ZMAT3: variants seen among roughly 807,000 people sequenced by gnomAD.
ZMAT3 encodes zinc finger matrin-type 3, also known as zinc finger matrin-type protein 3.
A neutral mutation model predicts 32.3 loss-of-function variants in ZMAT3; 17 were observed. That is an observed-to-expected ratio of 0.53 (90% CI 0.36 to 0.79). The LOEUF is 0.79. Ranked by LOEUF, ZMAT3 falls within the 30% of genes least tolerant of loss-of-function variation. The pLI is 0.00. For synonymous variants in ZMAT3, 120 were observed against 133.1 expected (o/e 0.90, Z 0.68); for missense variants, 329 against 359.7 (o/e 0.91, Z 0.69).
intron 2 of ZMAT3, among the ~76,000 whole-genome samples, chr3:179,031,679 G>T (rs907182183): frequency 6.6e-6 from 1 of 152,000 alleles, no homozygotes; most frequent in African/African-American, 2.4e-5. Context: ...GGCCAAGGAG[G>T]GTGGATGACC....
chr3:179,024,858 G>A lies in ZMAT3; in HGVS notation c.*159C>T, dbSNP rs527595322. On this transcript the variant is annotated 3_prime_UTR_variant, in exon 6 of 6. Coordinates refer to ENST00000311417, the MANE Select transcript of ZMAT3 (RefSeq NM_022470.4). ...ACCCACCTCCCCCCGCCCCGCCCCC[G>A]GGCCCCCAGGTTTTGACATCTCATG... 63 of 342,562 alleles carry A rather than the reference G, an allele frequency of 1.8e-4. 1 individual carries two copies. Among genetic ancestry groups the A allele is most frequent in the South Asian group, 5.2e-4 (21 of 40,020 alleles). The allele number at this position is 342,562 out of a possible 1,614,324, so 21.2% of individuals were successfully genotyped here.
At chr3:179,041,773 C>T (rs1719943506) in intron 2 of ZMAT3, among the ~76,000 whole-genome samples, 1 of 151,670 alleles carries the variant, frequency 6.6e-6, no homozygotes, top group Admixed American at 6.6e-5. Context: ...AAAATCCCTT[C>T]AAAAAATCAC....
chr3:179,042,398 T>C (rs1022603646), intron 2 of ZMAT3, among the ~76,000 whole-genome samples: 1 of 152,158 alleles, frequency 6.6e-6, no homozygotes, highest in Non-Finnish European at 1.5e-5. Flanking sequence ...GCTTCATCCC[T>C]GGGATGCAAG....
chr3:179,022,573 A>G lies in ZMAT3; in HGVS notation c.*2444T>C, dbSNP rs1202343646. The G allele has an allele frequency of 6.6e-6, 1 of 151,882 alleles. No homozygotes were observed. The highest frequency in any genetic ancestry group is 1.5e-5 in the Non-Finnish European group (1 of 67,944). The allele number at this position is 151,882 out of a possible 1,614,324, so 9.4% of individuals were successfully genotyped here. A position where few individuals can be genotyped will look rare whatever the true frequency, so the allele number is the denominator to read the frequency against. On this transcript the variant is annotated 3_prime_UTR_variant, in exon 6 of 6. Coordinates refer to ENST00000311417, the MANE Select transcript of ZMAT3 (RefSeq NM_022470.4). ...AGCAAAATGAATAACCTACTGGCCAATAAGAAAAGCCCTAAATTGCTCAAA... is the reference window on the plus strand; with the variant it reads ...AGCAAAATGAATAACCTACTGGCCAGTAAGAAAAGCCCTAAATTGCTCAAA...
Position 179,025,159 on chromosome 3 carries a change from C to T in ZMAT3, c.728G>A (p.Ser243Asn). The T allele has an allele frequency of 6.2e-7, 1 of 1,614,192 alleles. No homozygotes were observed. Among genetic ancestry groups the T allele is most frequent in the East Asian group, 2.2e-5 (1 of 44,878 alleles). The stretch of plus-strand genomic sequence containing the variant: ...ACACATTGAGCAGTAAAACTGGCCA[C>T]TTGGAGTAACACACATGGCCAGATC... The part of the protein sequence containing the change: ...PRDLAMCVTP[S>N]GQFYCSMCNV... Residue 243 changes from serine (S) to asparagine (N), a missense_variant, in exon 6 of 6, where the codon AGT becomes AAT. Ser to Asn is a conservative substitution (Grantham distance 46, BLOSUM62 1). Coordinates refer to ENST00000311417, the MANE Select transcript of ZMAT3 (RefSeq NM_022470.4).
chr3:179,023,696 C>CATATATATA lies in ZMAT3; in HGVS notation c.*1320_*1321insTATATATAT. The CATATATATA allele has an allele frequency of 7.3e-5, 2 of 27,390 alleles. No individual in the cohort carries two copies. The highest frequency in any genetic ancestry group is 3.2e-3 in the East Asian group (2 of 616). The allele number at this position is 27,390 out of a possible 1,614,324, so 1.7% of individuals were successfully genotyped here. Reference sequence around the variant, plus strand: ...TCCTAAAAACTGCTGGAAAATATATCTATATATATATATATTTTTTTTTTT... The same window carrying CATATATATA: ...TCCTAAAAACTGCTGGAAAATATATCATATATATATATATATATATATATTTTTTTTTTT... On this transcript the variant is annotated 3_prime_UTR_variant, in exon 6 of 6. Coordinates refer to ENST00000311417, the MANE Select transcript of ZMAT3 (RefSeq NM_022470.4).
chr3:179,055,870 A>G (rs974367150), intron 2 of ZMAT3, among the ~76,000 whole-genome samples: 3 of 152,200 alleles, frequency 2.0e-5, no homozygotes, highest in African/African-American at 7.2e-5. Flanking sequence ...TCAGGTCAAC[A>G]ATAGGATGAC....
intron 2 of ZMAT3, among the ~76,000 whole-genome samples, chr3:179,059,271 G>A (rs1721028043): frequency 6.6e-6 from 1 of 152,122 alleles, no homozygotes; most frequent in Non-Finnish European, 1.5e-5. Flanking sequence ...AGAAGAAATA[G>A]AATGGGGAAC....
At chr3:179,068,532 G>C (rs1721542340) in intron 1 of ZMAT3, among the ~76,000 whole-genome samples, 1 of 151,610 alleles carries the variant, frequency 6.6e-6, no homozygotes, top group Non-Finnish European at 1.5e-5. Flanking sequence ...AAGACCACCA[G>C]CTAAAAATCT....
rs147086451 is a variant in ZMAT3, at chr3:179,027,788, G to T, written c.415C>A (p.Arg139=). 1.9e-6 allele frequency: 3 copies of T among 1,612,318 alleles called. No homozygotes were observed. In the Admixed American group the frequency reaches 5.0e-5, roughly 27 times the overall value. Reference sequence around the variant, plus strand: ...TCATTCTCCGTGGCCAGGATCACTCGGCCTCCTGGCTTAAAGGAGCCCATC... The same window carrying T: ...TCATTCTCCGTGGCCAGGATCACTCTGCCTCCTGGCTTAAAGGAGCCCATC... ...PQMGSFKPGG[R]VILATENDYC... Residue 139 remains arginine, a synonymous_variant, in exon 4 of 6, where the codon CGA becomes AGA. Transcript: ENST00000311417.
chr3:179,037,331 G>A (rs1719651832), intron 2 of ZMAT3, among the ~76,000 whole-genome samples: 3 of 152,170 alleles, frequency 2.0e-5, no homozygotes, highest in Admixed American at 2.0e-4. Flanking sequence ...GATGAGAGCT[G>A]TAACACCCCT....
chr3:179,061,544 C>T (rs1056588019), intron 2 of ZMAT3, among the ~76,000 whole-genome samples: 1 of 151,594 alleles, frequency 6.6e-6, no homozygotes, highest in Non-Finnish European at 1.5e-5. Flanking sequence ...GATTGAGATG[C>T]TAATACCTTT....
chr3:179,064,666 A>C (rs1231532587), intron 2 of ZMAT3, among the ~76,000 whole-genome samples: 3 of 152,068 alleles, frequency 2.0e-5, no homozygotes, highest in Non-Finnish European at 4.4e-5. Flanking sequence ...CCTGAACGCA[A>C]ACTATCTTCC....
chr3:179,056,308 G>A (rs548010905), intron 2 of ZMAT3, among the ~76,000 whole-genome samples: 153 of 151,238 alleles, frequency 1.0e-3, no homozygotes, highest in Non-Finnish European at 2.0e-3. Flanking sequence ...CAGGCGAAAC[G>A]GGACAAACGG....
chr3:179,051,555 G>A (rs150189061), intron 2 of ZMAT3, among the ~76,000 whole-genome samples: 14 of 152,282 alleles, frequency 9.2e-5, no homozygotes, highest in Non-Finnish European at 1.8e-4. Context: ...TAGAATCAGT[G>A]TTGTGAAAAT....
intron 2 of ZMAT3, among the ~76,000 whole-genome samples, chr3:179,048,281 C>T (rs1483471530): frequency 6.6e-6 from 1 of 152,170 alleles, no homozygotes; most frequent in Non-Finnish European, 1.5e-5. Flanking sequence ...TGCTAGAGAT[C>T]TAGACATCCG....
chr3:179,049,078 G>C (rs1031198824), intron 2 of ZMAT3, among the ~76,000 whole-genome samples: 4 of 152,188 alleles, frequency 2.6e-5, no homozygotes, highest in East Asian at 1.9e-4. Flanking sequence ...AAGACAAAGA[G>C]GGACATAATA....
Position 179,024,843 on chromosome 3 carries a change from C to A in ZMAT3, c.*174G>T. On this transcript the variant is annotated 3_prime_UTR_variant, in exon 6 of 6. Transcript: ENST00000311417. ...AAGCACGTTCTTCACACCCACCTCC[C>A]CCCGCCCCGCCCCCGGGCCCCCAGG... 1 of 569,344 alleles carries A rather than the reference C, an allele frequency of 1.8e-6. No individual in the cohort carries two copies. Among genetic ancestry groups the A allele is most frequent in the African/African-American group, 1.9e-5 (1 of 52,800 alleles). 35.3% of individuals were successfully genotyped at this position (569,344 alleles called of 1,614,324 possible). A position where few individuals can be genotyped will look rare whatever the true frequency, so the allele number is the denominator to read the frequency against.
rs878912109 is a variant in ZMAT3, at chr3:179,019,393, G to T, written c.*5624C>A. 1 of 151,906 alleles carries T rather than the reference G, an allele frequency of 6.6e-6. No individual in the cohort carries two copies. Among genetic ancestry groups the T allele is most frequent in the Non-Finnish European group, 1.5e-5 (1 of 67,966 alleles). The allele number at this position is 151,906 out of a possible 1,614,324, so 9.4% of individuals were successfully genotyped here. A position where few individuals can be genotyped will look rare whatever the true frequency, so the allele number is the denominator to read the frequency against. On this transcript the variant is annotated 3_prime_UTR_variant, in exon 6 of 6. Transcript: ENST00000311417. ...AATGACACCCATGCTAAGAATTTAG[G>T]GCAGTGTATTGCCTAAAATTTACTT...
Sources: gnomAD v4.1 joint callset for allele counts (sites outside exome capture counted in the v4.1 genomes callset) on GRCh38, gnomAD v4.1.1 for gene constraint, MANE v1.5 for transcripts, NCBI Gene and HGNC (gene_info 2026-07-23, HGNC 2026-07-21) for gene names.